Variants in KRAS observed in about 807,000 individuals in gnomAD.
The protein encoded by KRAS is GTPase KRas.
A neutral mutation model predicts 21.0 loss-of-function variants in KRAS; 1 was observed. The observed-to-expected ratio is 0.05, with a 90% CI of 0.02 to 0.23. KRAS has a LOEUF of 0.23. Ranked by LOEUF, KRAS falls within the 10% of genes least tolerant of loss-of-function variation. KRAS has a pLI of 1.00. For missense variants in KRAS, 107 were observed against 221.8 expected (o/e 0.48, Z 3.29); for synonymous variants, 67 against 72.5 (o/e 0.92, Z 0.39).
intron 2 of KRAS, among the ~76,000 whole-genome samples, chr12:25,243,135 T>C (rs933754339): frequency 6.6e-6 from 1 of 152,114 alleles, no homozygotes; most frequent in African/African-American, 2.4e-5. Context: ...GAAATCCCCA[T>C]ATCCTCCTAA....
In KRAS at chr12:25,214,710, G is replaced by GT. The variant is rs1273640638; in HGVS notation, c.451-4800dup. Among the ~76,000 whole-genome samples the GT allele has an allele frequency of 4.6e-5, 7 of 152,214 alleles. No individual in the cohort carries two copies. The South Asian group carries it at 1.5e-3, about 32-fold the overall frequency. ...GCCAAAAATGACATTTCTTTAAAGT[G>GT]TATCTCTCCGGTTTCACAATGAATG... is the stretch of plus-strand genomic sequence containing the variant. On this transcript the variant is annotated intron_variant, in intron 4 of 4. Transcript: ENST00000311936.
intron 2 of KRAS, chr12:25,233,674 G>A (rs1014320698): frequency 4.8e-6 from 1 of 209,826 alleles, no homozygotes; most frequent in African/African-American, 2.3e-5. Context: ...TTGTGAAATT[G>A]TTTAAGTCTA....
intron 1 of KRAS, among the ~76,000 whole-genome samples, chr12:25,246,781 G>A (rs914270648): frequency 2.0e-5 from 3 of 151,986 alleles, no homozygotes; most frequent in East Asian, 1.9e-4. Flanking sequence ...GCCGGGCGTG[G>A]TGGCGGGCGC....
intron 2 of KRAS, among the ~76,000 whole-genome samples, chr12:25,238,762 T>G (rs1295183335): frequency 2.0e-5 from 3 of 152,232 alleles, no homozygotes; most frequent in Non-Finnish European, 4.4e-5. Flanking sequence ...ACTATGTAAT[T>G]TGTATATATG....
chr12:25,220,291 G>C (rs1951304610), intron 4 of KRAS, among the ~76,000 whole-genome samples: 1 of 152,204 alleles, frequency 6.6e-6, no homozygotes, highest in African/African-American at 2.4e-5. Flanking sequence ...CAATGTACTA[G>C]CAGAAAATAA....
chr12:25,233,838 G>C (rs998664505), intron 2 of KRAS: 2 of 196,434 alleles, frequency 1.0e-5, no homozygotes, highest in Non-Finnish European at 2.1e-5. Flanking sequence ...AATATATGCA[G>C]ATACTAAAAA....
chr12:25,235,094 G>C lies in KRAS; in HGVS notation c.112-7682C>G, dbSNP rs61761145. On this transcript the variant is annotated intron_variant, in intron 2 of 4. Transcript: ENST00000311936. ...CATCTTCATTCTGCCAATTCCATGA[G>C]ATGCTCTTCTCAATATAACTAGAAC... 2.5e-3 allele frequency: 1,001 copies of C among 393,308 alleles called. 7 individuals are homozygous for C. Among genetic ancestry groups the C allele is most frequent in the African/African-American group, 0.018 (896 of 49,372 alleles). 24.4% of individuals were successfully genotyped at this position (393,308 alleles called of 1,614,324 possible). A position where few individuals can be genotyped will look rare whatever the true frequency, so the allele number is the denominator to read the frequency against.
Position 25,207,164 on chromosome 12 carries a change from T to C in KRAS, c.*2631A>G, listed in dbSNP as rs190084851. 19 of 210,670 alleles carry C rather than the reference T, an allele frequency of 9.0e-5. No individual in the cohort carries two copies. Among genetic ancestry groups the C allele is most frequent in the Admixed American group, 4.1e-4 (7 of 16,962 alleles). 13.1% of individuals were successfully genotyped at this position (210,670 alleles called of 1,614,324 possible). On this transcript the variant is annotated 3_prime_UTR_variant, in exon 5 of 5. Coordinates refer to ENST00000311936, the MANE Select transcript of KRAS (RefSeq NM_004985.5). ...TAGCACTACCTAAGGACCGGGATTA[T>C]GTCTCTTGTTTGGGGATACCATATA...
At chr12:25,219,556 A>C (rs897431269) in intron 4 of KRAS, among the ~76,000 whole-genome samples, 14 of 152,202 alleles carry the variant, frequency 9.2e-5, no homozygotes, top group Non-Finnish European at 1.9e-4. Context: ...AAACTCTGTC[A>C]AGGAAGCAAC....
intron 2 of KRAS, among the ~76,000 whole-genome samples, chr12:25,239,804 G>A (rs1032738712): frequency 6.6e-6 from 1 of 151,864 alleles, no homozygotes; most frequent in East Asian, 1.9e-4. Flanking sequence ...AATACAAAAA[G>A]TAATTGGGTG....
chr12:25,242,297 T>C (rs965038504), intron 2 of KRAS, among the ~76,000 whole-genome samples: 3 of 152,204 alleles, frequency 2.0e-5, no homozygotes, highest in Admixed American at 6.5e-5. Flanking sequence ...ATACTTAATA[T>C]ATATTTGGTA....
rs969781459 is a variant in KRAS at position 25,207,823 on chromosome 12, T to C, written c.*1972A>G. ...CTTTATGGTATCTGTCAGATTCTCT[T>C]GAGCCCTGAGGAAATAAGATGTAGG... On this transcript the variant is annotated 3_prime_UTR_variant, in exon 5 of 5. Transcript: ENST00000311936. The C allele has an allele frequency of 8.6e-5, 20 of 233,030 alleles. No homozygotes were observed. Among genetic ancestry groups the C allele is most frequent in the African/African-American group, 4.4e-4 (20 of 45,336 alleles). The allele number at this position is 233,030 out of a possible 1,614,324, so 14.4% of individuals were successfully genotyped here. A position where few individuals can be genotyped will look rare whatever the true frequency, so the allele number is the denominator to read the frequency against.
rs376556618 is a variant in KRAS, at chr12:25,215,572, A to G, written c.451-5661T>C. On this transcript the variant is annotated intron_variant, in intron 4 of 4. Transcript: ENST00000311936. ...GCATCCTCCACTCTCTGCATTGTAA[A>G]ACACAACTTCTTTAAAGTCTGTTGC... 1.3e-5 allele frequency: 21 copies of G among 1,605,052 alleles called. No homozygotes were observed. The African/African-American group carries it at 2.8e-4, about 21-fold the overall frequency.
In KRAS at chr12:25,205,728, CTT is replaced by C. The variant is rs34719539; in HGVS notation, c.*4065_*4066del. The stretch of plus-strand genomic sequence containing the variant: ...GGGCCCTCAACATATCTGCAGATAA[CTT>C]TTTTTTCCCCTAAATTCATCTAAAT... On this transcript the variant is annotated 3_prime_UTR_variant, in exon 5 of 5. Coordinates refer to ENST00000311936, the MANE Select transcript of KRAS (RefSeq NM_004985.5). The C allele has an allele frequency of 0.51, 112,951 of 220,254 alleles. 30,657 individuals carry two copies. Among genetic ancestry groups the C allele is most frequent in the East Asian group, 0.79 (11,797 of 14,878 alleles). The allele number at this position is 220,254 out of a possible 1,614,324, so 13.6% of individuals were successfully genotyped here.
At chr12:25,213,942 G>A (rs1335067690) in intron 4 of KRAS, among the ~76,000 whole-genome samples, 1 of 152,132 alleles carries the variant, frequency 6.6e-6, no homozygotes, top group Non-Finnish European at 1.5e-5. Context: ...CTAGGCAATG[G>A]GTGTGCAAAG....
chr12:25,245,648 TC>T (rs1434228204), intron 1 of KRAS, among the ~76,000 whole-genome samples: 2 of 152,222 alleles, frequency 1.3e-5, no homozygotes, highest in African/African-American at 4.8e-5. Context: ...CATAGACAGT[TC>T]TTTTATCTTA....
At chr12:25,235,765 G>C (rs543993416) in intron 2 of KRAS, among the ~76,000 whole-genome samples, 34 of 152,238 alleles carry the variant, frequency 2.2e-4, no homozygotes, top group Middle Eastern at 3.4e-3. Context: ...TATAACTTTA[G>C]CTTAGAACAG....
chr12:25,225,534 G>C (rs2141505183), intron 4 of KRAS, 80 bp downstream of exon 4: 1 of 1,378,560 alleles, frequency 7.3e-7, no homozygotes, highest in African/African-American at 1.4e-5. Flanking sequence ...GCATAATTGA[G>C]AGAAAAACTG....
chr12:25,213,507 T>C (rs1481013475), intron 4 of KRAS, among the ~76,000 whole-genome samples: 1 of 152,234 alleles, frequency 6.6e-6, no homozygotes, highest in Non-Finnish European at 1.5e-5. Flanking sequence ...AATATTGCTT[T>C]ACAGAATGAT....
Sources: allele counts gnomAD v4.1 joint callset (sites outside exome capture counted in the v4.1 genomes callset), GRCh38; gene constraint gnomAD v4.1.1; transcripts MANE v1.5; gene names NCBI Gene and HGNC (gene_info 2026-07-23, HGNC 2026-07-21).